The following ZMYND11 variants were observed in gnomAD, a reference collection of about 807,000 sequenced individuals.
ZMYND11 encodes zinc finger MYND domain-containing protein 11.
In ZMYND11, 9 loss-of-function variants were observed where a neutral mutation model predicts 84.9. The ratio of observed to expected loss-of-function variants is 0.11; its 90% CI spans 0.06 to 0.18. The LOEUF (loss-of-function observed/expected upper bound fraction) is 0.18. ZMYND11 is among the 10% of genes least tolerant of loss of function. ZMYND11 has a pLI of 1.00. For missense variants in ZMYND11, 409 were observed against 761.0 expected (o/e 0.54, Z 5.44); for synonymous variants, 250 against 244.1 (o/e 1.02, Z -0.23).
chr10:140,758 T>C (rs1314054435), intron 1 of ZMYND11, among the ~76,000 whole-genome samples: 8 of 152,202 alleles, frequency 5.3e-5, no homozygotes, highest in African/African-American at 1.9e-4. Flanking sequence ...GAAGTAGAAA[T>C]ACCCTTACGT....
intron 3 of ZMYND11, among the ~76,000 whole-genome samples, chr10:212,068 T>G (rs1945338563): frequency 6.6e-6 from 1 of 152,186 alleles, no homozygotes; most frequent in African/African-American, 2.4e-5. Context: ...ACTTAATCTA[T>G]AGGATTTTGG....
At chr10:224,076 A>T (rs1460116974) in intron 4 of ZMYND11, among the ~76,000 whole-genome samples, 1 of 152,210 alleles carries the variant, frequency 6.6e-6, no homozygotes, top group Non-Finnish European at 1.5e-5. Flanking sequence ...TTACTACCTA[A>T]AACTGACAAT....
In ZMYND11 at chr10:172,066, A is replaced by G. The variant is rs148744726; in HGVS notation, c.-19-7928A>G. 1.6e-4 allele frequency among the ~76,000 whole-genome samples: 24 copies of G among 152,322 alleles called. 1 individual carries two copies. The East Asian group carries it at 4.6e-3, about 29-fold the overall frequency. ...TATTGCTGTGTCCTCACATGGCAGA[A>G]GAGATGGAATGGCCAGGCACGTCTC... On this transcript the variant is annotated intron_variant, in intron 1 of 14. Coordinates refer to ENST00000381604, the MANE Select transcript of ZMYND11 (RefSeq NM_001370100.5).
At chr10:229,639 C>T (rs1311767494) in intron 4 of ZMYND11, among the ~76,000 whole-genome samples, 1 of 152,016 alleles carries the variant, frequency 6.6e-6, no homozygotes, top group African/African-American at 2.4e-5. Context: ...ATAGGTAGGC[C>T]ATTTCAGTGT....
At chr10:155,553 A>G (rs1554758540) in intron 1 of ZMYND11, among the ~76,000 whole-genome samples, 1 of 152,174 alleles carries the variant, frequency 6.6e-6, no homozygotes, top group Non-Finnish European at 1.5e-5. Context: ...ATCGCGAACA[A>G]TACAGTGGGA....
intron 6 of ZMYND11, among the ~76,000 whole-genome samples, chr10:237,953 G>A (rs1381614032): frequency 6.6e-6 from 1 of 152,136 alleles, no homozygotes; most frequent in African/African-American, 2.4e-5. Flanking sequence ...GTTGATTTAA[G>A]AAAATGCCTT....
intron 1 of ZMYND11, among the ~76,000 whole-genome samples, chr10:154,258 C>G (rs1841141273): frequency 6.6e-6 from 1 of 152,160 alleles, no homozygotes; most frequent in South Asian, 2.1e-4. Context: ...CACTATAATT[C>G]ATACCTGAAC....
intron 1 of ZMYND11, among the ~76,000 whole-genome samples, chr10:171,625 T>C (rs1845344391): frequency 6.6e-6 from 1 of 152,166 alleles, no homozygotes; most frequent in Admixed American, 6.5e-5. Context: ...AAATAGTTTA[T>C]CAAAATCACA....
Position 252,517 on chromosome 10 carries a change from CA to C in ZMYND11, c.*48del. The C allele has an allele frequency of 6.5e-7, 1 of 1,549,828 alleles. No homozygotes were observed. The highest frequency in any genetic ancestry group is 8.7e-7 in the Non-Finnish European group (1 of 1,149,038). ...CCCCGATGATTACTCTTTTCAGACA[CA>C]GCGGTTTTTGTTTCCAAGAAGCCAA... On this transcript the variant is annotated 3_prime_UTR_variant, in exon 15 of 15. Transcript: ENST00000381604. The surrounding 1 kb of genome is among the most constrained non-coding windows in gnomAD (Gnocchi z 4.6).
intron 4 of ZMYND11, among the ~76,000 whole-genome samples, chr10:233,800 AAATT>A (rs1320368515): frequency 2.6e-5 from 4 of 152,306 alleles, no homozygotes; most frequent in Non-Finnish European, 4.4e-5. Flanking sequence ...TAGTTTTGTG[AAATT>A]AATTAAGGCA....
chr10:241,491 A>C (rs1950914088), intron 9 of ZMYND11, among the ~76,000 whole-genome samples: 1 of 152,200 alleles, frequency 6.6e-6, no homozygotes, highest in African/African-American at 2.4e-5. Flanking sequence ...GGGTCCCTTA[A>C]TAAAGTGAAT....
At chr10:138,557 T>C (rs782654163) in intron 1 of ZMYND11, among the ~76,000 whole-genome samples, 9 of 152,352 alleles carry the variant, frequency 5.9e-5, no homozygotes, top group Non-Finnish European at 1.3e-4. Context: ...TCATACTCTT[T>C]GGCATACCTT....
chr10:191,391 A>G (rs1272467238), intron 2 of ZMYND11, among the ~76,000 whole-genome samples: 2 of 152,198 alleles, frequency 1.3e-5, no homozygotes, highest in Admixed American at 6.5e-5. Flanking sequence ...TCTGCATGGA[A>G]CTAACACATT....
chr10:233,035 A>C (rs1949271044), intron 4 of ZMYND11, among the ~76,000 whole-genome samples: 1 of 152,220 alleles, frequency 6.6e-6, no homozygotes, highest in Non-Finnish European at 1.5e-5. Context: ...CTGCTGCACC[A>C]GCGTGCGCTT....
chr10:203,316 C>A (rs1943570055), intron 2 of ZMYND11, among the ~76,000 whole-genome samples: 1 of 151,316 alleles, frequency 6.6e-6, no homozygotes, highest in Non-Finnish European at 1.5e-5. Context: ...CAACCACCAA[C>A]CAGGAAATAC....
upstream of ZMYND11, chr10:134,812 A>T (rs993228777): frequency 6.6e-6 from 1 of 152,046 alleles, no homozygotes; most frequent in Non-Finnish European, 1.5e-5. Flanking sequence ...GTGTGTGTGG[A>T]TACGGAGTGC....
chr10:154,418 G>A (rs1588488879), intron 1 of ZMYND11, among the ~76,000 whole-genome samples: 1 of 152,250 alleles, frequency 6.6e-6, no homozygotes, highest in Non-Finnish European at 1.5e-5. Flanking sequence ...GCAGAAAAAA[G>A]CAAAAAACCT....
chr10:159,050 A>C (rs1311543363), intron 1 of ZMYND11, among the ~76,000 whole-genome samples: 1 of 141,788 alleles, frequency 7.1e-6, no homozygotes, highest in Non-Finnish European at 1.5e-5. Flanking sequence ...GTTCTTTGAA[A>C]CACAAAACTT....
In ZMYND11 at chr10:246,791, C is replaced by G; in HGVS notation, c.976C>G (p.Gln326Glu). The G allele has an allele frequency of 4.3e-6, 7 of 1,614,086 alleles. No individual in the cohort carries two copies. Among genetic ancestry groups the G allele is most frequent in the East Asian group, 4.5e-5 (2 of 44,864 alleles). Residue 326 changes from glutamine (Q) to glutamate (E), a missense_variant, in exon 11 of 15, where the codon CAA (glutamine) becomes GAA (glutamate). Physicochemically the swap from Gln to Glu is conservative, Grantham distance 29. Around this residue, in one of 7 missense-constraint regions of ZMYND11, gnomAD observed 48 missense variants for 61.1 expected, o/e 0.79. Coordinates refer to ENST00000381604, the MANE Select transcript of ZMYND11 (RefSeq NM_001370100.5). ...GGCCTGGATTCCTTCTGAAAACATTCAAGATATCACAGTCAACATTCATCG... is the reference window on the plus strand; with the variant it reads ...GGCCTGGATTCCTTCTGAAAACATTGAAGATATCACAGTCAACATTCATCG... ...QRAWIPSENI[Q>E]DITVNIHRLH...
Sources: allele counts gnomAD v4.1 joint callset (sites outside exome capture counted in the v4.1 genomes callset), GRCh38; gene constraint gnomAD v4.1.1; regional missense constraint gnomAD v4.1.1; non-coding constraint Gnocchi (gnomAD v3.1); transcripts MANE v1.5; gene names NCBI Gene and HGNC (gene_info 2026-07-23, HGNC 2026-07-21).